XRN1: variants seen among roughly 807,000 people sequenced by gnomAD.
The protein encoded by XRN1 is 5'-3' exoribonuclease 1, also known as strand-exchange protein 1 homolog.
A neutral mutation model predicts 222.3 loss-of-function variants in XRN1; 67 were observed. The ratio of observed to expected loss-of-function variants is 0.30; its 90% CI spans 0.25 to 0.37. The LOEUF is 0.37. Among genes scored for constraint, XRN1 ranks in the 10% least tolerant of loss-of-function variants. The pLI is 1.00. For missense variants in XRN1, 1,707 were observed against 2,000.2 expected, an observed-to-expected ratio of 0.85 and a Z score of 2.80; for synonymous variants, 643 against 652.4, an observed-to-expected ratio of 0.99 and a Z score of 0.22.
intron 32 of XRN1, among the ~76,000 whole-genome samples, chr3:142,351,908 A>G (rs2066318449): frequency 6.7e-6 from 1 of 149,952 alleles, no homozygotes; most frequent in Non-Finnish European, 1.5e-5. Flanking sequence ...TTTAAGTTAA[A>G]AAAAAAAAAA....
In XRN1 at chr3:142,422,572, T is replaced by A; in HGVS notation, c.967+10A>T. Reference sequence around the variant, plus strand: ...AAAGTATCCTCGAGAGATTATTAAATTCTTCTTACCCCCAAGTTCTGGCAG... The same window carrying A: ...AAAGTATCCTCGAGAGATTATTAAAATCTTCTTACCCCCAAGTTCTGGCAG... On this transcript the variant is annotated intron_variant, in intron 8 of 40. Coordinates refer to ENST00000392981, the MANE Select transcript of XRN1 (RefSeq NM_001282857.2). 1 of 1,611,494 alleles carries A rather than the reference T, an allele frequency of 6.2e-7. No homozygotes were observed. Among genetic ancestry groups the A allele is most frequent in the Non-Finnish European group, 8.5e-7 (1 of 1,178,678 alleles).
At chr3:142,379,530 A>G (rs2067239968) in intron 23 of XRN1, among the ~76,000 whole-genome samples, 1 of 152,232 alleles carries the variant, frequency 6.6e-6, no homozygotes, top group Admixed American at 6.5e-5. Context: ...TATCCAACCA[A>G]TCAATAAGAA....
At chr3:142,388,771 C>T (rs1311314542) in intron 20 of XRN1, among the ~76,000 whole-genome samples, 3 of 152,230 alleles carry the variant, frequency 2.0e-5, no homozygotes, top group Non-Finnish European at 4.4e-5. Flanking sequence ...AACTTGGAGT[C>T]AATGCTCTCA....
Position 142,422,918 on chromosome 3 carries a change from A to G in XRN1, c.715T>C (p.Cys239Arg), listed in dbSNP as rs376352455. Reference sequence around the variant, plus strand: ...TGAAATGTAGTTTCTTCTGGAGCACATACCCTGGAATTAGTCAGATGATCA... The same window carrying G: ...TGAAATGTAGTTTCTTCTGGAGCACGTACCCTGGAATTAGTCAGATGATCA... ...RFGGKKTQRV[C>R]APEETTFHLL... The change falls in exon 7 of 41, where the codon TGT becomes CGT. Residue 239 changes from cysteine to arginine, a missense_variant. Cys to Arg is a radical substitution (Grantham distance 180). This residue lies in a region of XRN1 where 1,234 missense variants were observed against 1,518.2 expected (regional missense o/e 0.81). Coordinates refer to ENST00000392981, the MANE Select transcript of XRN1 (RefSeq NM_001282857.2). The G allele has an allele frequency of 1.2e-5, 19 of 1,608,964 alleles. No individual in the cohort carries two copies. The African/African-American group carries it at 2.1e-4, about 18-fold the overall frequency.
chr3:142,370,619 C>A lies in XRN1; in HGVS notation c.3070G>T (p.Ala1024Ser). The A allele has an allele frequency of 1.9e-6, 3 of 1,568,538 alleles. No homozygotes were observed. The highest frequency in any genetic ancestry group is 4.2e-5 in the Admixed American group (2 of 47,958). ...DIWPGENENGAEKVQEIITWL... is the reference protein window; with the variant it reads ...DIWPGENENGSEKVQEIITWL... ...GTAATAATTTCTTGAACTTTTTCAG[C>A]ACTAAAGCAAAAACAATAATTTTTA... The change falls in exon 27 of 41, where the codon GCT becomes TCT. Residue 1024 changes from alanine to serine, a missense_variant and splice_region_variant. Ala to Ser is a moderately conservative substitution (Grantham distance 99). This residue lies in a region of XRN1 where 1,234 missense variants were observed against 1,518.2 expected (regional missense o/e 0.81). Transcript: ENST00000392981.
At chr3:142,386,276 T>C (rs1256125969) in intron 20 of XRN1, among the ~76,000 whole-genome samples, 1 of 151,958 alleles carries the variant, frequency 6.6e-6, no homozygotes, top group Non-Finnish European at 1.5e-5. Flanking sequence ...TGCAAAAATC[T>C]TAAAACAAAC....
At chr3:142,380,879 C>T (rs1313361151) in intron 22 of XRN1, among the ~76,000 whole-genome samples, 3 of 152,098 alleles carry the variant, frequency 2.0e-5, no homozygotes, top group Non-Finnish European at 4.4e-5. Flanking sequence ...AACTCCTGTG[C>T]TCAACCAATT....
At chr3:142,418,158 G>C (rs1008420321) in intron 12 of XRN1, 2 of 213,558 alleles carry the variant, frequency 9.4e-6, no homozygotes, top group South Asian at 1.0e-4. Flanking sequence ...AGATGGAAGA[G>C]GTGACAGAGA....
chr3:142,445,102 T>C (rs2070448652), intron 1 of XRN1, among the ~76,000 whole-genome samples: 2 of 152,346 alleles, frequency 1.3e-5, no homozygotes, highest in South Asian at 4.1e-4. Context: ...CTTTTAAATC[T>C]ATTTTATTTT....
chr3:142,421,993 T>C (rs1321024819), intron 8 of XRN1, among the ~76,000 whole-genome samples: 2 of 152,192 alleles, frequency 1.3e-5, no homozygotes, highest in Non-Finnish European at 2.9e-5. Flanking sequence ...TGAATTTCTA[T>C]GCTTAAATAT....
At position 142,425,524 on chromosome 3, in the gene XRN1, C is replaced by T. The variant is rs2069211270; in HGVS notation, c.421G>A (p.Ala141Thr). The change falls in exon 4 of 41, where the codon GCC (alanine) becomes ACC (threonine). Residue 141 changes from alanine to threonine, a missense_variant. Coordinates refer to ENST00000392981, the MANE Select transcript of XRN1 (RefSeq NM_001282857.2). ...TACTTCAGATGTTCATGTAACCTGG[C>T]CATAAATTCAGTTCCTAAAAATAAT... ...NCITPGTEFM[A>T]RLHEHLKYFV... 1 of 1,610,504 alleles carries T rather than the reference C, an allele frequency of 6.2e-7. No homozygotes were observed.
intron 30 of XRN1, 114 bp from the exon 31 acceptor site, chr3:142,357,233 T>G: frequency 1.0e-6 from 1 of 953,682 alleles, no homozygotes; most frequent in South Asian, 1.6e-5. Flanking sequence ...AAATATTACT[T>G]TTTAATTCGG....
intron 27 of XRN1, among the ~76,000 whole-genome samples, chr3:142,367,042 C>T (rs2107870589): frequency 6.6e-6 from 1 of 152,292 alleles, no homozygotes; most frequent in East Asian, 1.9e-4. Context: ...AATCCCAGCA[C>T]TTTGGGAGGC....
At position 142,384,188 on chromosome 3, in the gene XRN1, C is replaced by T. The variant is rs559120120; in HGVS notation, c.2502+335G>A. Among the ~76,000 whole-genome samples, 8 of 150,256 alleles carry T rather than the reference C, an allele frequency of 5.3e-5. No homozygotes were observed. The East Asian group carries it at 7.9e-4, about 15-fold the overall frequency. ...TCGGGAAGCTGTGGCAGGAGAATGGCGTGAACCCAGAAGGCGGAGCCTGCA... is the reference window on the plus strand; with the variant it reads ...TCGGGAAGCTGTGGCAGGAGAATGGTGTGAACCCAGAAGGCGGAGCCTGCA... On this transcript the variant is annotated intron_variant, in intron 21 of 40. Coordinates refer to ENST00000392981, the MANE Select transcript of XRN1 (RefSeq NM_001282857.2).
intron 5 of XRN1, 24 bp from the exon 6 acceptor site, chr3:142,423,666 GTTTT>G: frequency 6.5e-7 from 1 of 1,527,654 alleles, no homozygotes; most frequent in African/African-American, 1.4e-5. Context: ...ATTAAGAAAT[GTTTT>G]TATTCTCCCA....
rs2068232009 is a variant in XRN1, at chr3:142,403,689, T to C, written c.2088A>G (p.Ala696=). 3 of 1,612,948 alleles carry C rather than the reference T, an allele frequency of 1.9e-6. No homozygotes were observed. In the African/African-American group the frequency reaches 4.0e-5, roughly 22 times the overall value. The part of the protein sequence containing the change: ...ENMMLEILVD[A]ESDELTVENV... The stretch of plus-strand genomic sequence containing the variant: ...AAATACTTACAAGTTCATCTGATTC[T>C]GCATCCACTAAGATTTCCAACATCA... Residue 696 remains alanine, a synonymous_variant, in exon 18 of 41, where the codon GCA becomes GCG. Coordinates refer to ENST00000392981, the MANE Select transcript of XRN1 (RefSeq NM_001282857.2).
rs112746165 is a variant in XRN1, at chr3:142,363,831, C to T, written c.3394+1216G>A. On this transcript the variant is annotated intron_variant, in intron 29 of 40. Transcript: ENST00000392981. Reference sequence around the variant, plus strand: ...AGCTTATCAATTTCTACAAAACAGGCTGCTGGGATCTTGATTGGGATTTCT... The same window carrying T: ...AGCTTATCAATTTCTACAAAACAGGTTGCTGGGATCTTGATTGGGATTTCT... Among the ~76,000 whole-genome samples, 762 of 152,274 alleles carry T rather than the reference C, an allele frequency of 5.0e-3. 9 individuals are homozygous for T. The highest frequency in any genetic ancestry group is 0.018 in the African/African-American group (741 of 41,564).
At position 142,369,859 on chromosome 3, in the gene XRN1, A is replaced by G. The variant is rs1279360602; in HGVS notation, c.3204+626T>C. Among the ~76,000 whole-genome samples, 4 of 151,918 alleles carry G rather than the reference A, an allele frequency of 2.6e-5. No homozygotes were observed. In the East Asian group the frequency reaches 5.8e-4, roughly 22 times the overall value. ...TCAGGAGTTCAAGACCAGCCTGGCCAACATGGCGAAATGCCGTCTCTACTA... is the reference window on the plus strand; with the variant it reads ...TCAGGAGTTCAAGACCAGCCTGGCCGACATGGCGAAATGCCGTCTCTACTA... On this transcript the variant is annotated intron_variant, in intron 27 of 40. Transcript: ENST00000392981.
At chr3:142,395,635 C>T (rs952630514) in intron 20 of XRN1, among the ~76,000 whole-genome samples, 1 of 152,222 alleles carries the variant, frequency 6.6e-6, no homozygotes, top group Non-Finnish European at 1.5e-5. Flanking sequence ...CCTTTACCCA[C>T]TCTAGTTTGG....
Sources: gnomAD v4.1 joint callset for allele counts (sites outside exome capture counted in the v4.1 genomes callset) on GRCh38, gnomAD v4.1.1 for gene constraint, gnomAD v4.1.1 regional missense constraint, MANE v1.5 for transcripts, NCBI Gene and HGNC (gene_info 2026-07-23, HGNC 2026-07-21) for gene names.